Variants in RMC1 observed in about 807,000 individuals in gnomAD.
RMC1 encodes regulator of MON1-CCZ1.
In RMC1, 44 loss-of-function variants were observed where a neutral mutation model predicts 95.5. That is an observed-to-expected ratio of 0.46 (90% CI 0.36 to 0.59). The LOEUF (loss-of-function observed/expected upper bound fraction) is 0.59. Among genes scored for constraint, RMC1 ranks in the 20% least tolerant of loss-of-function variants. RMC1 has a pLI of 0.00. For missense variants in RMC1, 705 were observed against 819.6 expected (o/e 0.86, Z 1.71); for synonymous variants, 320 against 303.6 (o/e 1.05, Z -0.56).
intron 12 of RMC1, among the ~76,000 whole-genome samples, chr18:23,525,894 G>A (rs899211999): frequency 6.6e-6 from 1 of 152,216 alleles, no homozygotes; most frequent in African/African-American, 2.4e-5. Context: ...TAGCCCTGAT[G>A]CTGTAGGCAT....
chr18:23,530,309 G>A lies in RMC1; in HGVS notation c.1668+12G>A. On this transcript the variant is annotated intron_variant, in intron 18 of 19. Transcript: ENST00000269221. ...TGGACATGCTGAAGGTAACTCTGAT[G>A]TGTGAGGTTTTAGACTATGGAAACT... 3 of 1,614,204 alleles carry A rather than the reference G, an allele frequency of 1.9e-6. No individual in the cohort carries two copies. The highest frequency in any genetic ancestry group is 2.5e-6 in the Non-Finnish European group (3 of 1,180,020).
chr18:23,518,978 C>T lies in RMC1; in HGVS notation c.742C>T (p.Arg248Ter), dbSNP rs1567922945. 8 of 1,613,276 alleles carry T rather than the reference C, an allele frequency of 5.0e-6. No individual in the cohort carries two copies. The highest frequency in any genetic ancestry group is 1.3e-5 in the African/African-American group (1 of 74,898). The change falls in exon 8 of 20, where the codon CGA (arginine) becomes TGA (stop). Residue 248 changes from arginine (R) to a stop codon, truncating the protein, a stop_gained and splice_region_variant. Coordinates refer to ENST00000269221, the MANE Select transcript of RMC1 (RefSeq NM_013326.5). LOFTEE classifies it high-confidence loss of function. ...GAEVVLYHLP[R>*]EGACKKMHIL... is the part of the protein sequence containing the mutation. ...GGAGGTGGTCCTCTATCATCTACCACGGTAGATTTCATGCTTTGTTTTCCC... is the reference window on the plus strand; with the variant it reads ...GGAGGTGGTCCTCTATCATCTACCATGGTAGATTTCATGCTTTGTTTTCCC...
chr18:23,514,448 T>C (rs1217507114), intron 5 of RMC1, among the ~76,000 whole-genome samples: 1 of 152,094 alleles, frequency 6.6e-6, no homozygotes, highest in Non-Finnish European at 1.5e-5. Flanking sequence ...TCCCAGTTAC[T>C]TGGGAGGCTG....
In RMC1 at chr18:23,515,814, C is replaced by T. The variant is rs573825312; in HGVS notation, c.409-42C>T. The T allele has an allele frequency of 4.7e-5, 75 of 1,611,302 alleles. No individual in the cohort carries two copies. In the Middle Eastern group the frequency reaches 5.0e-4, roughly 11 times the overall value. On this transcript the variant is annotated intron_variant, in intron 5 of 19. Transcript: ENST00000269221. ...TCCCAAAGTGCTGGGATTAGTTTGC[C>T]GTTTTTTAAATGAAGATCCTGTTTC...
intron 9 of RMC1, among the ~76,000 whole-genome samples, chr18:23,519,428 G>A (rs894221586): frequency 1.3e-5 from 2 of 152,030 alleles, no homozygotes; most frequent in Non-Finnish European, 2.9e-5. Flanking sequence ...TAAGGCTGGA[G>A]GATGGCTTGA....
chr18:23,505,253 G>T (rs1297945868), intron 2 of RMC1, among the ~76,000 whole-genome samples: 1 of 152,092 alleles, frequency 6.6e-6, no homozygotes, highest in Non-Finnish European at 1.5e-5. Flanking sequence ...TAGAGATGGG[G>T]TTTCACCGTG....
At chr18:23,513,301 T>C (rs185075222) in intron 5 of RMC1, among the ~76,000 whole-genome samples, 103 of 152,366 alleles carry the variant, frequency 6.8e-4, no homozygotes, top group Middle Eastern at 3.4e-3. Flanking sequence ...TATACAGTAT[T>C]TGTCCCTTTG....
intron 12 of RMC1, 110 bp from the exon 13 acceptor site, chr18:23,526,527 G>C: frequency 7.3e-7 from 1 of 1,365,486 alleles, no homozygotes; most frequent in Middle Eastern, 2.3e-4. Flanking sequence ...GTACTTTGCG[G>C]CTTTTTATCA....
intron 16 of RMC1, 138 bp from the exon 17 acceptor site, chr18:23,529,890 T>C (rs2058437740): frequency 1.9e-6 from 2 of 1,055,614 alleles, no homozygotes; most frequent in Non-Finnish European, 2.8e-6. Context: ...TTGGGGTCTT[T>C]ACCTGCATGA....
intron 5 of RMC1, 50 bp downstream of exon 5, chr18:23,509,329 T>G: frequency 1.1e-6 from 1 of 871,932 alleles, no homozygotes; most frequent in East Asian, 3.0e-5. Context: ...GTGATAGCAT[T>G]CTGGCAGCCT....
intron 4 of RMC1, 41 bp downstream of exon 4, chr18:23,508,082 T>A: frequency 6.3e-7 from 1 of 1,577,270 alleles, no homozygotes; most frequent in Non-Finnish European, 8.6e-7. Flanking sequence ...GTGTCAGTGG[T>A]GTTGAGCTGG....
At chr18:23,531,531 T>C in intron 19 of RMC1, 94 bp from the exon 20 acceptor site, 1 of 1,524,404 alleles carries the variant, frequency 6.6e-7, no homozygotes, top group Non-Finnish European at 8.8e-7. Context: ...TAAAGAAAAA[T>C]AAGTTAAAAC....
chr18:23,530,467 G>A lies in RMC1; in HGVS notation c.1749G>A (p.Arg583=). Residue 583 remains arginine, a synonymous_variant, in exon 19 of 20, where the codon CGG becomes CGA. Transcript: ENST00000269221. ...TGTTAGCTGCCTTAAGGTTTATCCGGGGCATTGGTGGCCATGACAACATTT... is the reference window on the plus strand; with the variant it reads ...TGTTAGCTGCCTTAAGGTTTATCCGAGGCATTGGTGGCCATGACAACATTT... ...HQVLAALRFI[R]GIGGHDNISA... is the part of the protein sequence containing the mutation. 2 of 1,614,248 alleles carry A rather than the reference G, an allele frequency of 1.2e-6. No individual in the cohort carries two copies. Among genetic ancestry groups the A allele is most frequent in the Admixed American group, 1.7e-5 (1 of 60,030 alleles).
chr18:23,518,850 A>C, intron 7 of RMC1, 40 bp from the exon 8 acceptor site: 2 of 1,567,524 alleles, frequency 1.3e-6, no homozygotes, highest in Non-Finnish European at 1.8e-6. Context: ...GGAATTTTGA[A>C]TGGCCAGATG....
intron 16 of RMC1, 136 bp downstream of exon 16, chr18:23,529,848 T>G: frequency 9.4e-7 from 1 of 1,061,678 alleles, no homozygotes. Context: ...ACTCCTGACA[T>G]TATTAGTTGG....
In RMC1 at chr18:23,520,783, C is replaced by T. The variant is rs572903740; in HGVS notation, c.961+470C>T. On this transcript the variant is annotated intron_variant, in intron 10 of 19. Transcript: ENST00000269221. ...CAAGCAATTGAACCAAGTATTCAAT[C>T]GCTTAAATACTTGTGAGAGGAGATA... Among the ~76,000 whole-genome samples, 10 of 151,858 alleles carry T rather than the reference C, an allele frequency of 6.6e-5. No individual in the cohort carries two copies. In the East Asian group the frequency reaches 1.2e-3, roughly 18 times the overall value.
intron 10 of RMC1, among the ~76,000 whole-genome samples, chr18:23,521,705 T>TC (rs2058146644): frequency 6.6e-6 from 1 of 152,060 alleles, no homozygotes; most frequent in African/African-American, 2.4e-5. Flanking sequence ...CTTTTTTTTT[T>TC]TTCCTTAAAC....
chr18:23,518,514 T>A (rs1183347310), intron 7 of RMC1, among the ~76,000 whole-genome samples: 3 of 151,270 alleles, frequency 2.0e-5, no homozygotes, highest in South Asian at 2.1e-4. Context: ...AAAAAAAAAA[T>A]AGTGATTATA....
Position 23,503,533 on chromosome 18 carries a change from C to G in RMC1, c.-86C>G. ...CCCAGAGCCGCAGCCGCAGCCGCCG[C>G]TACAGTCCGGGCCGGGCTCCACCGC... On this transcript the variant is annotated 5_prime_UTR_variant, in exon 1 of 20. Coordinates refer to ENST00000269221, the MANE Select transcript of RMC1 (RefSeq NM_013326.5). 1 of 934,934 alleles carries G rather than the reference C, an allele frequency of 1.1e-6. No homozygotes were observed. The highest frequency in any genetic ancestry group is 1.4e-6 in the Non-Finnish European group (1 of 691,628). The allele number at this position is 934,934 out of a possible 1,614,324, so 57.9% of individuals were successfully genotyped here.
Sources: gnomAD v4.1 joint callset for allele counts (sites outside exome capture counted in the v4.1 genomes callset) on GRCh38, gnomAD v4.1.1 for gene constraint, MANE v1.5 for transcripts, NCBI Gene and HGNC (gene_info 2026-07-23, HGNC 2026-07-21) for gene names.